SNAP23: variants seen among roughly 807,000 people sequenced by gnomAD.
SNAP23 encodes synaptosomal-associated protein 23.
In SNAP23, 11 loss-of-function variants were observed where a neutral mutation model predicts 29.0. The observed-to-expected ratio is 0.38, with a 90% CI of 0.24 to 0.63. SNAP23 has a LOEUF of 0.63. Among genes scored for constraint, SNAP23 ranks in the 20% least tolerant of loss-of-function variants. The pLI, the probability that SNAP23 is intolerant of heterozygous loss-of-function variation, is 0.58. For missense variants in SNAP23, 220 were observed against 253.9 expected (o/e 0.87, Z 0.91); for synonymous variants, 60 against 82.9 (o/e 0.72, Z 1.50).
intron 5 of SNAP23, 121 bp from the exon 6 acceptor site, chr15:42,528,141 A>T: frequency 3.3e-6 from 2 of 603,468 alleles, no homozygotes; most frequent in South Asian, 2.9e-5. Context: ...ATCTAGACTT[A>T]GCTGTATGCA....
intron 1 of SNAP23, among the ~76,000 whole-genome samples, chr15:42,497,627 G>A (rs1435643557): frequency 6.6e-6 from 1 of 152,156 alleles, no homozygotes; most frequent in Non-Finnish European, 1.5e-5. Context: ...ACAGGCATGA[G>A]CCACCACGCC....
intron 5 of SNAP23, among the ~76,000 whole-genome samples, chr15:42,525,008 A>T (rs1419581721): frequency 6.6e-6 from 1 of 152,110 alleles, no homozygotes; most frequent in Non-Finnish European, 1.5e-5. Context: ...CTGCAAGAAA[A>T]ACAAGTAGTT....
At chr15:42,502,049 A>T (rs1490501584) in intron 1 of SNAP23, among the ~76,000 whole-genome samples, 1 of 125,034 alleles carries the variant, frequency 8.0e-6, no homozygotes, top group East Asian at 2.3e-4. Flanking sequence ...TTTTTTTGAG[A>T]CGGAGTCTCG....
intron 5 of SNAP23, 119 bp downstream of exon 5, chr15:42,515,473 G>A: frequency 1.6e-6 from 1 of 639,516 alleles, no homozygotes. Flanking sequence ...ATAAATCTAA[G>A]TTGTCTCTCC....
intron 5 of SNAP23, among the ~76,000 whole-genome samples, chr15:42,517,691 C>G (rs1388136935): frequency 1.3e-5 from 2 of 152,062 alleles, no homozygotes; most frequent in African/African-American, 4.8e-5. Context: ...TCAGTAGAAC[C>G]CTTTCTCAGT....
At chr15:42,507,651 G>C (rs961378536) in intron 1 of SNAP23, among the ~76,000 whole-genome samples, 1 of 152,100 alleles carries the variant, frequency 6.6e-6, no homozygotes, top group Non-Finnish European at 1.5e-5. Context: ...TCCTGATTCC[G>C]TAAGGAAAAT....
At chr15:42,507,686 G>A (rs753258064) in intron 1 of SNAP23, among the ~76,000 whole-genome samples, 1 of 152,154 alleles carries the variant, frequency 6.6e-6, no homozygotes, top group African/African-American at 2.4e-5. Flanking sequence ...ATAAATATGA[G>A]TAAGGCTATG....
intron 2 of SNAP23, chr15:42,512,254 T>G (rs2141524756): frequency 6.2e-6 from 1 of 160,892 alleles, no homozygotes; most frequent in African/African-American, 2.4e-5. Flanking sequence ...CCCATGAACT[T>G]CACCATCCAA....
intron 1 of SNAP23, among the ~76,000 whole-genome samples, chr15:42,502,519 C>CTAAATAAATAAA (rs74278905): frequency 1.2e-3 from 183 of 151,686 alleles, no homozygotes; most frequent in Middle Eastern, 3.4e-3. Flanking sequence ...CTATATCTAC[C>CTAAATAAATAAA]TAAATAAATA....
chr15:42,529,315 G>T (rs1010316952), intron 6 of SNAP23, among the ~76,000 whole-genome samples: 2 of 152,170 alleles, frequency 1.3e-5, no homozygotes, highest in Admixed American at 1.3e-4. Flanking sequence ...CACTTGAGGG[G>T]CTTATTAAAC....
intron 1 of SNAP23, among the ~76,000 whole-genome samples, chr15:42,511,180 T>G (rs1341785368): frequency 6.6e-6 from 1 of 152,192 alleles, no homozygotes; most frequent in Non-Finnish European, 1.5e-5. Context: ...TGAGTTACTG[T>G]GTATAGGAGA....
intron 5 of SNAP23, among the ~76,000 whole-genome samples, chr15:42,527,205 C>T (rs961077959): frequency 2.6e-5 from 4 of 152,016 alleles, no homozygotes; most frequent in East Asian, 1.9e-4. Context: ...TATGAATGAC[C>T]GCTTGTGTGG....
intron 5 of SNAP23, among the ~76,000 whole-genome samples, chr15:42,527,627 T>C (rs1595530895): frequency 6.6e-6 from 1 of 151,418 alleles, no homozygotes; most frequent in African/African-American, 2.4e-5. Context: ...CCCAGCACTT[T>C]GGGAGGCCGA....
chr15:42,499,867 C>T (rs984119902), intron 1 of SNAP23, among the ~76,000 whole-genome samples: 11 of 152,082 alleles, frequency 7.2e-5, no homozygotes, highest in Admixed American at 3.9e-4. Flanking sequence ...AGATTAGGGC[C>T]GGGCGGTGGT....
intron 5 of SNAP23, chr15:42,521,677 C>A: frequency 7.9e-7 from 1 of 1,264,494 alleles, no homozygotes; most frequent in Non-Finnish European, 1.1e-6. Context: ...AGTCTTGTGG[C>A]GCAGTTTGGG....
rs1016981438 is a variant in SNAP23 at position 42,528,734 on chromosome 15, C to T, written c.425+314C>T. 6.6e-5 allele frequency among the ~76,000 whole-genome samples: 10 copies of T among 151,988 alleles called. No individual in the cohort carries two copies. In the South Asian group the frequency reaches 1.0e-3, roughly 16 times the overall value. ...CCGAGTAGCTGGGACTACAGGTGTGCGCCACCACGCCCAGCTAATTTTTGT... is the reference window on the plus strand; with the variant it reads ...CCGAGTAGCTGGGACTACAGGTGTGTGCCACCACGCCCAGCTAATTTTTGT... On this transcript the variant is annotated intron_variant, in intron 6 of 7. Coordinates refer to ENST00000249647, the MANE Select transcript of SNAP23 (RefSeq NM_003825.4).
At chr15:42,512,336 A>AAATAACT (rs1427869597) in intron 2 of SNAP23, 1 of 151,364 alleles carries the variant, frequency 6.6e-6, no homozygotes, top group East Asian at 1.9e-4. Flanking sequence ...TCTCTTAAGG[A>AAATAACT]GCGCCTGAAA....
intron 7 of SNAP23, among the ~76,000 whole-genome samples, chr15:42,530,993 T>C (rs1215558447): frequency 2.0e-5 from 3 of 152,194 alleles, no homozygotes; most frequent in Non-Finnish European, 2.9e-5. Context: ...TTTCAGTCTC[T>C]CCAGGTTAGA....
chr15:42,508,714 C>T (rs1245941573), intron 1 of SNAP23, among the ~76,000 whole-genome samples: 1 of 152,098 alleles, frequency 6.6e-6, no homozygotes, highest in Non-Finnish European at 1.5e-5. Flanking sequence ...GCATTCACTC[C>T]TAACTCTGGA....
Sources: allele counts gnomAD v4.1 joint callset (sites outside exome capture counted in the v4.1 genomes callset), GRCh38; gene constraint gnomAD v4.1.1; transcripts MANE v1.5; gene names NCBI Gene and HGNC (gene_info 2026-07-23, HGNC 2026-07-21).